GAN: variants seen among roughly 807,000 people sequenced by gnomAD.
GAN encodes gigaxonin.
In GAN, 48 loss-of-function variants were observed where a neutral mutation model predicts 71.3. That is an observed-to-expected ratio of 0.67 (90% CI 0.53 to 0.86). GAN has a LOEUF of 0.86. GAN is among the 40% of genes least tolerant of loss of function. The probability of loss-of-function intolerance (pLI) is 0.00; values close to 1 mark genes in which losing one functional copy is unlikely to be tolerated. For missense variants in GAN, 928 were observed against 770.1 expected, an observed-to-expected ratio of 1.21 and a Z score of -2.43; for synonymous variants, 386 against 276.8, an observed-to-expected ratio of 1.39 and a Z score of -3.92.
At chr16:81,345,537 G>T (rs967242300) in intron 1 of GAN, among the ~76,000 whole-genome samples, 1 of 152,084 alleles carries the variant, frequency 6.6e-6, no homozygotes, top group African/African-American at 2.4e-5. Flanking sequence ...ATAAGTGGAA[G>T]TTGAACAATG....
chr16:81,318,791 C>T (rs1363367748), intron 1 of GAN, among the ~76,000 whole-genome samples: 3 of 152,174 alleles, frequency 2.0e-5, no homozygotes, highest in Admixed American at 1.3e-4. Flanking sequence ...GCAACACACC[C>T]TCATGGTCAG....
intron 1 of GAN, among the ~76,000 whole-genome samples, chr16:81,347,676 G>T (rs1910165684): frequency 6.6e-6 from 1 of 151,990 alleles, no homozygotes; most frequent in Admixed American, 6.6e-5. Flanking sequence ...TAAAAATCTA[G>T]GTCTGAAATA....
intron 1 of GAN, among the ~76,000 whole-genome samples, chr16:81,322,809 G>A (rs1909262927): frequency 6.6e-6 from 1 of 152,104 alleles, no homozygotes; most frequent in African/African-American, 2.4e-5. Flanking sequence ...TTGCACTTTT[G>A]TCACTTAAAT....
chr16:81,365,827 T>C (rs999575412), intron 9 of GAN, among the ~76,000 whole-genome samples: 2 of 152,046 alleles, frequency 1.3e-5, no homozygotes, highest in South Asian at 2.1e-4. Context: ...AAACTGAAGA[T>C]TGCTTGAGCC....
At chr16:81,363,116 C>G (rs777032400) in intron 6 of GAN, among the ~76,000 whole-genome samples, 2 of 152,224 alleles carry the variant, frequency 1.3e-5, no homozygotes, top group Non-Finnish European at 2.9e-5. Flanking sequence ...ACATGAAACA[C>G]CTAGGGCTTC....
At chr16:81,359,248 C>G (rs1249309750) in intron 5 of GAN, among the ~76,000 whole-genome samples, 1 of 152,142 alleles carries the variant, frequency 6.6e-6, no homozygotes, top group Non-Finnish European at 1.5e-5. Context: ...ACATACACGT[C>G]TGTCACAAAG....
chr16:81,375,871 G>T (rs1189333348), intron 9 of GAN, among the ~76,000 whole-genome samples: 1 of 151,762 alleles, frequency 6.6e-6, no homozygotes, highest in Non-Finnish European at 1.5e-5. Context: ...TTGGGAGGGT[G>T]GGGTGAGAGG....
At chr16:81,331,931 G>A (rs1909591351) in intron 1 of GAN, among the ~76,000 whole-genome samples, 1 of 152,186 alleles carries the variant, frequency 6.6e-6, no homozygotes, top group South Asian at 2.1e-4. Context: ...GGGAGGTCAA[G>A]GCGGGCGGAT....
At chr16:81,336,817 G>A (rs767027086) in intron 1 of GAN, among the ~76,000 whole-genome samples, 13 of 151,970 alleles carry the variant, frequency 8.6e-5, no homozygotes, top group Non-Finnish European at 1.3e-4. Flanking sequence ...CAGCAAAACT[G>A]AGAGGAAAGT....
chr16:81,377,423 T>G lies in GAN; in HGVS notation c.1621T>G (p.Tyr541Asp), dbSNP rs1226706932. Residue 541 changes from tyrosine (Y) to aspartate (D), a missense_variant, in exon 11 of 11, where the codon TAC becomes GAC. By Grantham distance (160) the Tyr-to-Asp change is radical. Transcript: ENST00000648994. ...TTATTTCTGTGGCTTAGGTACCAAT[T>G]ACGACTACGTGCGTGAGTTTAAAAG... is the stretch of plus-strand genomic sequence containing the variant. Reference protein sequence around the residue: ...VIGDLDTGTNYDYVREFKRST... With the variant: ...VIGDLDTGTNDDYVREFKRST... 1.9e-6 allele frequency: 3 copies of G among 1,613,826 alleles called. No individual in the cohort carries two copies.
At chr16:81,319,455 G>A (rs139028247) in intron 1 of GAN, among the ~76,000 whole-genome samples, 1 of 152,162 alleles carries the variant, frequency 6.6e-6, no homozygotes, top group African/African-American at 2.4e-5. Flanking sequence ...TCTCTCCTGA[G>A]CTGTGGTTCT....
chr16:81,359,382 C>G (rs375377582), intron 5 of GAN, among the ~76,000 whole-genome samples: 1 of 146,058 alleles, frequency 6.8e-6, no homozygotes, highest in Non-Finnish European at 1.5e-5. Context: ...TGAGGAGGTC[C>G]TTCCGTTTGT....
At chr16:81,347,521 T>G (rs1273684943) in intron 1 of GAN, among the ~76,000 whole-genome samples, 2 of 152,214 alleles carry the variant, frequency 1.3e-5, no homozygotes, top group Admixed American at 1.3e-4. Flanking sequence ...TTCCACTTTC[T>G]TGATATATTC....
intron 1 of GAN, 26 bp downstream of exon 1, chr16:81,315,306 G>T (rs1266221431): frequency 1.4e-6 from 2 of 1,476,710 alleles, no homozygotes; most frequent in African/African-American, 2.9e-5. Flanking sequence ...CGGCGGGCGG[G>T]CGCGGCGGTG....
In GAN at chr16:81,387,768, A is replaced by T. The variant is rs192835; in HGVS notation, c.*10172A>T. ...GAGGCAGAGGTTGAAGTGAGCCAGG[A>T]TTGTGCCACTGTACTCCAGCCTGGG... On this transcript the variant is annotated 3_prime_UTR_variant, in exon 11 of 11. Transcript: ENST00000648994. 0.25 allele frequency: 37,300 copies of T among 151,898 alleles called. 4,831 individuals are homozygous for T. Among genetic ancestry groups the T allele is most frequent in the Non-Finnish European group, 0.3 (20,517 of 67,952 alleles). 9.4% of individuals were successfully genotyped at this position (151,898 alleles called of 1,614,324 possible).
intron 1 of GAN, among the ~76,000 whole-genome samples, chr16:81,340,713 G>T (rs1194088595): frequency 1.3e-5 from 2 of 149,568 alleles, no homozygotes; most frequent in East Asian, 3.9e-4. Flanking sequence ...ATTCTTTGGA[G>T]GAGAAGAGAA....
intron 1 of GAN, among the ~76,000 whole-genome samples, chr16:81,333,069 C>G (rs1342675238): frequency 6.6e-6 from 1 of 152,054 alleles, no homozygotes; most frequent in Admixed American, 6.6e-5. Context: ...GAAACCCCAT[C>G]TCTACCAAAA....
chr16:81,334,681 T>C (rs527452345), intron 1 of GAN, among the ~76,000 whole-genome samples: 1 of 152,254 alleles, frequency 6.6e-6, no homozygotes, highest in African/African-American at 2.4e-5. Flanking sequence ...GGGGCCGATA[T>C]GGAGAGAAAG....
At chr16:81,373,154 G>T (rs1247011079) in intron 9 of GAN, among the ~76,000 whole-genome samples, 1 of 152,210 alleles carries the variant, frequency 6.6e-6, no homozygotes, top group East Asian at 1.9e-4. Flanking sequence ...GTGTTCTTCA[G>T]GAAATAATTG....
Sources: gnomAD v4.1 joint callset for allele counts (sites outside exome capture counted in the v4.1 genomes callset) on GRCh38, gnomAD v4.1.1 for gene constraint, MANE v1.5 for transcripts, NCBI Gene and HGNC (gene_info 2026-07-23, HGNC 2026-07-21) for gene names.